Variants in ITPR2 observed in about 807,000 individuals in gnomAD.
ITPR2 encodes the protein inositol 1,4,5-trisphosphate receptor type 2, also known as inositol 1,4,5-trisphosphate-gated calcium channel ITPR2.
ITPR2 carries 207 observed loss-of-function variants against 317.1 expected under a neutral mutation model. The observed-to-expected ratio is 0.65, with a 90% CI of 0.58 to 0.73. ITPR2 has a LOEUF of 0.73. Ranked by LOEUF, ITPR2 falls within the 30% of genes least tolerant of loss-of-function variation. The pLI, the probability that ITPR2 is intolerant of heterozygous loss-of-function variation, is 0.00. For missense variants in ITPR2, 2,613 were observed against 3,284.0 expected (o/e 0.80, Z 4.99); for synonymous variants, 1,156 against 1,149.1 (o/e 1.01, Z -0.12).
At chr12:26,560,058 C>T (rs939907489) in intron 35 of ITPR2, among the ~76,000 whole-genome samples, 2 of 152,168 alleles carry the variant, frequency 1.3e-5, no homozygotes, top group Admixed American at 6.5e-5. Flanking sequence ...CACACAGTGG[C>T]TAGCATAGAA....
intron 26 of ITPR2, among the ~76,000 whole-genome samples, chr12:26,608,124 A>T (rs780973482): frequency 1.2e-4 from 19 of 152,206 alleles, no homozygotes; most frequent in Middle Eastern, 3.4e-3. Context: ...CTGTTTCAAA[A>T]AAATAAATAA....
At chr12:26,604,845 C>T (rs995047816) in intron 26 of ITPR2, among the ~76,000 whole-genome samples, 24 of 152,152 alleles carry the variant, frequency 1.6e-4, no homozygotes, top group Non-Finnish European at 3.1e-4. Flanking sequence ...CCTGTAATCC[C>T]GGCACTTTGG....
intron 34 of ITPR2, among the ~76,000 whole-genome samples, chr12:26,568,212 T>G (rs1311981272): frequency 6.6e-6 from 1 of 151,112 alleles, no homozygotes; most frequent in Non-Finnish European, 1.5e-5. Context: ...AAAATATTTT[T>G]TAAAATACTT....
intron 9 of ITPR2, among the ~76,000 whole-genome samples, chr12:26,699,154 GA>G (rs1220796919): frequency 6.6e-6 from 1 of 151,838 alleles, no homozygotes; most frequent in Non-Finnish European, 1.5e-5. Flanking sequence ...TTCAATGCTG[GA>G]AACCATGACA....
Position 26,521,550 on chromosome 12 carries a change from T to C in ITPR2, c.5074-26290A>G, listed in dbSNP as rs547658357. 9.2e-5 allele frequency among the ~76,000 whole-genome samples: 14 copies of C among 152,324 alleles called. No individual in the cohort carries two copies. In the South Asian group the frequency reaches 2.9e-3, roughly 32 times the overall value. ...AGCTTCAGCCAGGATGCTTTGGTCA[T>C]CAAGCATGTAGGTTTACAGACTTAA... is the stretch of plus-strand genomic sequence containing the variant. On this transcript the variant is annotated intron_variant, in intron 37 of 56. Coordinates refer to ENST00000381340, the MANE Select transcript of ITPR2 (RefSeq NM_002223.4).
intron 45 of ITPR2, among the ~76,000 whole-genome samples, chr12:26,457,089 T>C (rs919076262): frequency 6.6e-6 from 1 of 152,212 alleles, no homozygotes; most frequent in African/African-American, 2.4e-5. Context: ...TAGAGCTGAC[T>C]TTCTGTTGGT....
chr12:26,683,343 T>A (rs993206300), intron 11 of ITPR2, among the ~76,000 whole-genome samples: 3 of 152,188 alleles, frequency 2.0e-5, no homozygotes, highest in African/African-American at 4.8e-5. Flanking sequence ...TCAGCTCTCA[T>A]GCTATAAACA....
intron 55 of ITPR2, among the ~76,000 whole-genome samples, chr12:26,383,174 A>G (rs1175626285): frequency 1.3e-5 from 2 of 151,690 alleles, no homozygotes; most frequent in Non-Finnish European, 2.9e-5. Flanking sequence ...TGACACACCT[A>G]CTCCCACTTC....
At chr12:26,829,292 C>T (rs950089960) in intron 1 of ITPR2, among the ~76,000 whole-genome samples, 1 of 152,010 alleles carries the variant, frequency 6.6e-6, no homozygotes, top group Admixed American at 6.6e-5. Flanking sequence ...TATTTTTATG[C>T]ATCATAAAAA....
chr12:26,663,477 G>A (rs1947548942), intron 15 of ITPR2, among the ~76,000 whole-genome samples: 1 of 152,150 alleles, frequency 6.6e-6, no homozygotes, highest in East Asian at 1.9e-4. Flanking sequence ...TCCTCCCCCA[G>A]TGATTCTAAT....
intron 55 of ITPR2, among the ~76,000 whole-genome samples, chr12:26,364,927 T>C (rs1258775500): frequency 6.6e-6 from 1 of 152,190 alleles, no homozygotes; most frequent in Admixed American, 6.5e-5. Context: ...AGCACTGTCC[T>C]GAGAGACCAT....
chr12:26,599,017 G>A, intron 30 of ITPR2, 128 bp downstream of exon 30: 2 of 764,310 alleles, frequency 2.6e-6, no homozygotes, highest in Non-Finnish European at 4.3e-6. Flanking sequence ...ATTTGCACTT[G>A]AGTAGTCATG....
chr12:26,795,619 G>C (rs949045913), intron 1 of ITPR2, among the ~76,000 whole-genome samples: 2 of 152,054 alleles, frequency 1.3e-5, no homozygotes, highest in Non-Finnish European at 2.9e-5. Flanking sequence ...TCCACCCAAG[G>C]ACAATATAAA....
chr12:26,556,225 C>A lies in ITPR2; in HGVS notation c.4964+8G>T, dbSNP rs1944657445. 1 of 1,612,296 alleles carries A rather than the reference C, an allele frequency of 6.2e-7. No individual in the cohort carries two copies. The highest frequency in any genetic ancestry group is 1.1e-5 in the South Asian group (1 of 90,588). On this transcript the variant is annotated splice_region_variant and intron_variant, in intron 36 of 56. Transcript: ENST00000381340. ...ACACTAGCAGAATCTCAGATTGGAT[C>A]CACTTACTTCGACATGAAAGCGCCA...
rs1371538603 is a variant in ITPR2 at position 26,339,417 on chromosome 12, G to A, written c.8086C>T (p.His2696Tyr). Residue 2696 changes from histidine to tyrosine, a missense_variant, in exon 57 of 57, where the codon CAT (histidine) becomes TAT (tyrosine). His to Tyr is a moderately conservative substitution (Grantham distance 83). Around this residue, in one of 9 missense-constraint regions of ITPR2, gnomAD observed 119 missense variants for 144.3 expected, o/e 0.82. Transcript: ENST00000381340. ...FLGSNTPHVN[H>Y]HMPPH is the part of the protein sequence containing the mutation. ...TGGTATCAGTGTGGTGGCATGTGAT[G>A]ATTCACATGGGGTGTGTTTGATCCG... is the stretch of plus-strand genomic sequence containing the variant. The A allele has an allele frequency of 1.2e-6, 2 of 1,613,206 alleles. No homozygotes were observed. Among genetic ancestry groups the A allele is most frequent in the East Asian group, 2.2e-5 (1 of 44,842 alleles).
intron 45 of ITPR2, among the ~76,000 whole-genome samples, chr12:26,450,782 G>A (rs1324384004): frequency 6.6e-6 from 1 of 152,086 alleles, no homozygotes; most frequent in Non-Finnish European, 1.5e-5. Context: ...AGGGCTGTAC[G>A]CACTCTTTTC....
intron 21 of ITPR2, among the ~76,000 whole-genome samples, chr12:26,633,693 C>T (rs1227554462): frequency 6.6e-6 from 1 of 152,216 alleles, no homozygotes. Context: ...CTGCTTGCTA[C>T]ATGGACTGCA....
At chr12:26,465,213 T>C (rs1413750204) in intron 45 of ITPR2, among the ~76,000 whole-genome samples, 1 of 152,172 alleles carries the variant, frequency 6.6e-6, no homozygotes, top group African/African-American at 2.4e-5. Context: ...ATCAGGAGAT[T>C]GCGCTGGGCA....
Position 26,339,389 on chromosome 12 carries a change from C to G in ITPR2, c.*8G>C. On this transcript the variant is annotated 3_prime_UTR_variant, in exon 57 of 57. Transcript: ENST00000381340. ...ATGAAAGGCTAGTCACGGCTTCCCCCCATGGTATCAGTGTGGTGGCATGTG... is the reference window on the plus strand; with the variant it reads ...ATGAAAGGCTAGTCACGGCTTCCCCGCATGGTATCAGTGTGGTGGCATGTG... 2 of 1,611,476 alleles carry G rather than the reference C, an allele frequency of 1.2e-6. No homozygotes were observed.
Sources: allele counts gnomAD v4.1 joint callset (sites outside exome capture counted in the v4.1 genomes callset), GRCh38; gene constraint gnomAD v4.1.1; regional missense constraint gnomAD v4.1.1; transcripts MANE v1.5; gene names NCBI Gene and HGNC (gene_info 2026-07-23, HGNC 2026-07-21).